ACSL3: variants seen among roughly 807,000 people sequenced by gnomAD.
The protein encoded by ACSL3 is acyl-CoA synthetase long chain family member 3.
Under a neutral mutation model 84.7 loss-of-function variants are expected in ACSL3, and 34 were observed. The observed-to-expected ratio is 0.40, with a 90% CI of 0.31 to 0.53. The LOEUF is 0.53. ACSL3 is among the 20% of genes least tolerant of loss of function. The pLI, the probability that ACSL3 is intolerant of heterozygous loss-of-function variation, is 0.48. For synonymous variants in ACSL3, 315 were observed against 299.4 expected, an observed-to-expected ratio of 1.05 and a Z score of -0.54; for missense variants, 680 against 873.1, an observed-to-expected ratio of 0.78 and a Z score of 2.79.
intron 8 of ACSL3, 44 bp downstream of exon 8, chr2:222,921,474 CTGTT>C: frequency 1.3e-6 from 2 of 1,518,130 alleles, no homozygotes; most frequent in Non-Finnish European, 1.8e-6. Flanking sequence ...GTATTTATGT[CTGTT>C]ATAATGTTAG....
intron 2 of ACSL3, among the ~76,000 whole-genome samples, chr2:222,896,832 C>CT (rs1461390845): frequency 1.5e-4 from 2 of 13,368 alleles, no homozygotes; most frequent in Non-Finnish European, 2.3e-4. Context: ...GGGGGGCTGA[C>CT]CCCCCCACCT....
rs1389659640 is a variant in ACSL3, at chr2:222,942,698, T to C, written c.*1044T>C. The C allele has an allele frequency of 4.7e-6, 1 of 211,276 alleles. No homozygotes were observed. The highest frequency in any genetic ancestry group is 9.6e-6 in the Non-Finnish European group (1 of 104,358). 13.1% of individuals were successfully genotyped at this position (211,276 alleles called of 1,614,324 possible). On this transcript the variant is annotated 3_prime_UTR_variant, in exon 17 of 17. Transcript: ENST00000357430. The stretch of plus-strand genomic sequence containing the variant: ...TGATGCGTGTATGGATGTGTGTGAG[T>C]CAGTGGTAGCTTATTTAAAAAGCAC...
At chr2:222,925,781 A>T (rs1405639046) in intron 11 of ACSL3, among the ~76,000 whole-genome samples, 1 of 152,152 alleles carries the variant, frequency 6.6e-6, no homozygotes. Flanking sequence ...TATTTATTTC[A>T]GTATGAATAT....
At chr2:222,923,599 G>T (rs969083552) in intron 10 of ACSL3, among the ~76,000 whole-genome samples, 2 of 152,172 alleles carry the variant, frequency 1.3e-5, no homozygotes, top group African/African-American at 4.8e-5. Context: ...AATGACTTAA[G>T]AGGGGCTGTT....
chr2:222,900,485 T>C (rs1236726018), intron 2 of ACSL3, among the ~76,000 whole-genome samples, 189 bp from the exon 3 acceptor site: 1 of 152,186 alleles, frequency 6.6e-6, no homozygotes, highest in Non-Finnish European at 1.5e-5. Flanking sequence ...TTGTGTATAT[T>C]TGGATGACTC....
intron 14 of ACSL3, among the ~76,000 whole-genome samples, chr2:222,932,504 T>G (rs1697058913): frequency 6.6e-6 from 1 of 152,142 alleles, no homozygotes; most frequent in Non-Finnish European, 1.5e-5. Flanking sequence ...AGTTTTCGTA[T>G]TTTTAGTAGA....
intron 4 of ACSL3, among the ~76,000 whole-genome samples, chr2:222,915,875 C>T (rs1257622816): frequency 6.6e-6 from 1 of 152,192 alleles, no homozygotes; most frequent in East Asian, 1.9e-4. Context: ...TTTATACCGT[C>T]TGATACTGAC....
intron 1 of ACSL3, among the ~76,000 whole-genome samples, chr2:222,868,463 T>C (rs62187226): frequency 0.088 from 13,430 of 152,252 alleles, 710 homozygotes; most frequent in Non-Finnish European, 0.12. Context: ...GAGTATGCAG[T>C]ATTTTCTAAG....
At chr2:222,866,611 G>A (rs1307582352) in intron 1 of ACSL3, among the ~76,000 whole-genome samples, 1 of 152,016 alleles carries the variant, frequency 6.6e-6, no homozygotes, top group Non-Finnish European at 1.5e-5. Context: ...TCTCCTCTCT[G>A]GAGTGACAGT....
intron 1 of ACSL3, among the ~76,000 whole-genome samples, chr2:222,872,745 A>G (rs1048565421): frequency 1.3e-5 from 2 of 151,822 alleles, no homozygotes; most frequent in East Asian, 1.9e-4. Context: ...TCTCTGAGGA[A>G]GTGGCATCCA....
intron 1 of ACSL3, among the ~76,000 whole-genome samples, chr2:222,867,705 A>T (rs1478735565): frequency 1.3e-5 from 2 of 152,150 alleles, no homozygotes; most frequent in Non-Finnish European, 2.9e-5. Context: ...CTCTTGATAG[A>T]CTTTTAGGCT....
intron 2 of ACSL3, among the ~76,000 whole-genome samples, chr2:222,893,334 A>G (rs1160161008): frequency 7.9e-5 from 12 of 152,096 alleles, no homozygotes; most frequent in African/African-American, 2.9e-4. Context: ...AGGGGCATAA[A>G]ATGTCTGCTT....
intron 1 of ACSL3, among the ~76,000 whole-genome samples, chr2:222,870,103 GTTTT>G (rs60071249): frequency 7.1e-6 from 1 of 140,370 alleles, no homozygotes; most frequent in African/African-American, 2.6e-5. Context: ...TGGACTTCTG[GTTTT>G]TTTTTTTTTT....
intron 1 of ACSL3, among the ~76,000 whole-genome samples, chr2:222,863,138 A>G (rs1695055046): frequency 6.6e-6 from 1 of 152,228 alleles, no homozygotes; most frequent in Admixed American, 6.5e-5. Flanking sequence ...AGCTGTGAAT[A>G]GAGGGAAAAA....
intron 13 of ACSL3, among the ~76,000 whole-genome samples, chr2:222,930,023 G>T (rs964296141): frequency 1.3e-5 from 2 of 150,094 alleles, no homozygotes; most frequent in Non-Finnish European, 3.0e-5. Context: ...CCACCTCCTG[G>T]GTTCAAGTGA....
chr2:222,901,059 C>T (rs1696133332), intron 3 of ACSL3, among the ~76,000 whole-genome samples: 1 of 152,164 alleles, frequency 6.6e-6, no homozygotes, highest in African/African-American at 2.4e-5. Flanking sequence ...TACTCCCACT[C>T]CCCTACACCA....
At chr2:222,871,688 AG>A (rs1344208310) in intron 1 of ACSL3, among the ~76,000 whole-genome samples, 4 of 152,212 alleles carry the variant, frequency 2.6e-5, no homozygotes, top group African/African-American at 9.6e-5. Flanking sequence ...TGGTTGTCAC[AG>A]AAACATTGGT....
At chr2:222,927,626 C>G (rs1286355874) in intron 12 of ACSL3, among the ~76,000 whole-genome samples, 1 of 152,138 alleles carries the variant, frequency 6.6e-6, no homozygotes, top group Non-Finnish European at 1.5e-5. Flanking sequence ...GAACTAAGTT[C>G]TGGTCTAGGG....
At chr2:222,891,612 A>G (rs1695846784) in intron 2 of ACSL3, among the ~76,000 whole-genome samples, 1 of 152,152 alleles carries the variant, frequency 6.6e-6, no homozygotes, top group African/African-American at 2.4e-5. Flanking sequence ...TAGTTTAGGG[A>G]GAGTACTCAA....
Sources: gnomAD v4.1 joint callset for allele counts (sites outside exome capture counted in the v4.1 genomes callset) on GRCh38, gnomAD v4.1.1 for gene constraint, MANE v1.5 for transcripts, NCBI Gene and HGNC (gene_info 2026-07-23, HGNC 2026-07-21) for gene names.